The following SYT1 variants were observed in gnomAD, a reference collection of about 807,000 sequenced individuals.
SYT1 encodes the protein synaptotagmin 1, also known as synaptotagmin-1.
SYT1 carries 8 observed loss-of-function variants against 44.8 expected under a neutral mutation model. That is an observed-to-expected ratio of 0.18 (90% confidence interval 0.10 to 0.32). The LOEUF is 0.32. SYT1 is among the 10% of genes least tolerant of loss of function. The pLI, the probability that SYT1 is intolerant of heterozygous loss-of-function variation, is 1.00. For synonymous variants in SYT1, 154 were observed against 188.8 expected (o/e 0.82, Z 1.51); for missense variants, 286 against 509.3 (o/e 0.56, Z 4.22).
chr12:79,205,716 A>G (rs1171579216), intron 3 of SYT1, among the ~76,000 whole-genome samples: 1 of 152,168 alleles, frequency 6.6e-6, no homozygotes, highest in African/African-American at 2.4e-5. Flanking sequence ...TTTATTCTCA[A>G]TAATATAGGT....
chr12:78,978,912 A>G (rs553899286), intron 2 of SYT1, among the ~76,000 whole-genome samples: 5 of 152,270 alleles, frequency 3.3e-5, no homozygotes, highest in African/African-American at 1.2e-4. Context: ...AAATTAACCT[A>G]TTTATTAAGT....
At chr12:79,314,168 C>CAAAAAAAA (rs34951756) in intron 8 of SYT1, among the ~76,000 whole-genome samples, 22 of 67,284 alleles carry the variant, frequency 3.3e-4, no homozygotes, top group African/African-American at 1.2e-3. Flanking sequence ...GACTCCGTCT[C>CAAAAAAAA]AAAAAAAAAA....
At chr12:79,151,072 G>A (rs1474119269) in intron 3 of SYT1, among the ~76,000 whole-genome samples, 1 of 152,168 alleles carries the variant, frequency 6.6e-6, no homozygotes, top group East Asian at 1.9e-4. Context: ...CAGACCCAGA[G>A]GCTGCTGGCT....
At chr12:78,929,405 G>A (rs1280784495) in intron 1 of SYT1, among the ~76,000 whole-genome samples, 1 of 9,754 alleles carries the variant, frequency 1.0e-4, no homozygotes, top group Non-Finnish European at 1.7e-4. Context: ...GAGAGACTCC[G>A]TCCCAAAAAA....
intron 4 of SYT1, among the ~76,000 whole-genome samples, chr12:79,285,096 C>T (rs1879244056): frequency 6.6e-6 from 1 of 152,126 alleles, no homozygotes; most frequent in Admixed American, 6.5e-5. Flanking sequence ...TGAGCATCAC[C>T]CACATCTGGA....
intron 1 of SYT1, among the ~76,000 whole-genome samples, chr12:78,951,268 T>G (rs1158546460): frequency 1.3e-5 from 2 of 152,140 alleles, no homozygotes; most frequent in Admixed American, 1.3e-4. Flanking sequence ...TATTATGGGA[T>G]CAGGAAGTCA....
At chr12:79,215,856 A>G (rs1487257926) in intron 3 of SYT1, among the ~76,000 whole-genome samples, 1 of 149,562 alleles carries the variant, frequency 6.7e-6, no homozygotes, top group Non-Finnish European at 1.5e-5. Flanking sequence ...TCTATTTTCA[A>G]TTGTACTTTC....
intron 9 of SYT1, among the ~76,000 whole-genome samples, chr12:79,403,458 C>CT (rs1174457522): frequency 6.6e-6 from 1 of 152,156 alleles, no homozygotes; most frequent in East Asian, 1.9e-4. Flanking sequence ...TCTTTTTTCT[C>CT]TTAAGGCTTC....
At chr12:79,426,544 C>T (rs577447247) in intron 9 of SYT1, among the ~76,000 whole-genome samples, 1 of 152,220 alleles carries the variant, frequency 6.6e-6, no homozygotes, top group East Asian at 1.9e-4. Context: ...AATTCATGTC[C>T]TTAACTGCTA....
intron 3 of SYT1, among the ~76,000 whole-genome samples, chr12:79,049,114 A>T (rs943396943): frequency 2.0e-5 from 3 of 151,926 alleles, no homozygotes; most frequent in African/African-American, 7.2e-5. Context: ...CTCTGAGTAT[A>T]ATTTCATGTG....
At chr12:79,358,788 G>A (rs989516844) in intron 9 of SYT1, among the ~76,000 whole-genome samples, 2 of 152,100 alleles carry the variant, frequency 1.3e-5, no homozygotes, top group East Asian at 1.9e-4. Flanking sequence ...AGATGAGGTC[G>A]TCACAGTAGG....
chr12:79,001,781 T>C (rs1870757478), intron 2 of SYT1, among the ~76,000 whole-genome samples: 1 of 152,218 alleles, frequency 6.6e-6, no homozygotes, highest in African/African-American at 2.4e-5. Flanking sequence ...TAAAATACTC[T>C]CTTGCTGAAA....
At chr12:79,073,795 C>T (rs1454146702) in intron 3 of SYT1, among the ~76,000 whole-genome samples, 2 of 152,148 alleles carry the variant, frequency 1.3e-5, no homozygotes, top group African/African-American at 4.8e-5. Flanking sequence ...CTCTGTCTAC[C>T]TGACTCTCTT....
chr12:78,896,773 A>C (rs1875381857), intron 1 of SYT1, among the ~76,000 whole-genome samples: 1 of 151,868 alleles, frequency 6.6e-6, no homozygotes, highest in African/African-American at 2.4e-5. Flanking sequence ...ATGTGAAAAG[A>C]AAATATCTGA....
intron 4 of SYT1, among the ~76,000 whole-genome samples, chr12:79,263,269 G>GT (rs1877934215): frequency 7.9e-6 from 1 of 126,718 alleles, no homozygotes. Context: ...TTCTTCTGGT[G>GT]ATTTTTTTTT....
rs139867640 is a variant in SYT1, at chr12:78,929,326, C to T, written c.-216-48473C>T. On this transcript the variant is annotated intron_variant, in intron 1 of 10. Transcript: ENST00000261205. ...CTGAGGCAGGAGAATTGCTTGAACC[C>T]GGGAGGCAGAGGTTTCAATGAGTGG... Among the ~76,000 whole-genome samples the T allele has an allele frequency of 1.8e-3, 259 of 140,300 alleles. 1 individual carries two copies. The highest frequency in any genetic ancestry group is 5.5e-3 in the African/African-American group (210 of 37,942). The allele number at this position is 140,300 out of a possible 152,430, so 92.0% of individuals were successfully genotyped here. A position where few individuals can be genotyped will look rare whatever the true frequency, so the allele number is the denominator to read the frequency against.
intron 4 of SYT1, among the ~76,000 whole-genome samples, chr12:79,268,615 T>G (rs1174125827): frequency 6.6e-6 from 1 of 152,208 alleles, no homozygotes; most frequent in Non-Finnish European, 1.5e-5. Flanking sequence ...AGTCAATGGC[T>G]TGGAGCATTT....
At chr12:79,444,493 A>G (rs1163125889) in intron 10 of SYT1, among the ~76,000 whole-genome samples, 2 of 152,186 alleles carry the variant, frequency 1.3e-5, no homozygotes, top group African/African-American at 2.4e-5. Flanking sequence ...TGCATCTATA[A>G]AAGTTAAAAA....
chr12:79,382,883 T>C lies in SYT1; in HGVS notation c.928+29264T>C, dbSNP rs117052556. 1.3e-3 allele frequency among the ~76,000 whole-genome samples: 192 copies of C among 152,374 alleles called. 4 individuals are homozygous for C. In the East Asian group the frequency reaches 0.031, roughly 25 times the overall value. On this transcript the variant is annotated intron_variant, in intron 9 of 10. Transcript: ENST00000261205. Reference sequence around the variant, plus strand: ...ATATTGTAAAAAGGCAGGCATTTCTTGACTGCTCATACAACATAAACTTTT... The same window carrying C: ...ATATTGTAAAAAGGCAGGCATTTCTCGACTGCTCATACAACATAAACTTTT...
Sources: allele counts gnomAD v4.1 joint callset (sites outside exome capture counted in the v4.1 genomes callset), GRCh38; gene constraint gnomAD v4.1.1; transcripts MANE v1.5; gene names NCBI Gene and HGNC (gene_info 2026-07-23, HGNC 2026-07-21).